TMEM164: variants seen among roughly 807,000 people sequenced by gnomAD.
TMEM164 encodes transmembrane protein 164, also known as RP13-360B22.2.
In TMEM164, 4 loss-of-function variants were observed where a neutral mutation model predicts 18.8. The ratio of observed to expected loss-of-function variants is 0.21; its 90% CI spans 0.10 to 0.49. The LOEUF is 0.49. TMEM164 is among the 20% of genes least tolerant of loss of function. The probability of loss-of-function intolerance (pLI) is 0.98; values close to 1 mark genes in which losing one functional copy is unlikely to be tolerated. For synonymous variants in TMEM164, 86 were observed against 101.7 expected (o/e 0.85, Z 0.93); for missense variants, 108 against 239.9 (o/e 0.45, Z 3.63).
At chrX:110,043,501 G>A (rs991105061) in intron 2 of TMEM164, among the ~76,000 whole-genome samples, 3 of 111,740 alleles carry the variant, frequency 2.7e-5, no homozygotes, top group Middle Eastern at 9.2e-3. Context: ...ACTGAATGTT[G>A]ACTACTATAA....
chrX:110,120,819 A>T (rs2066439362), intron 4 of TMEM164, among the ~76,000 whole-genome samples: 1 of 111,776 alleles, frequency 8.9e-6, no homozygotes, highest in Non-Finnish European at 1.9e-5. Context: ...GTTAGCTCCC[A>T]CATATAAGTG....
intron 3 of TMEM164, among the ~76,000 whole-genome samples, chrX:110,069,425 G>A (rs1195776100): frequency 1.8e-5 from 2 of 110,806 alleles, no homozygotes; most frequent in African/African-American, 3.3e-5. Context: ...TTTGTTCCTC[G>A]AGTTGTCTAT....
chrX:110,117,363 G>T (rs2066384451), intron 4 of TMEM164, among the ~76,000 whole-genome samples: 1 of 112,509 alleles, frequency 8.9e-6, no homozygotes, highest in African/African-American at 3.2e-5. Flanking sequence ...TAGCAATTTG[G>T]GGGCTTAATT....
At chrX:110,144,985 TG>T in intron 5 of TMEM164, 109 bp downstream of exon 5, 1 of 548,633 alleles carries the variant, frequency 1.8e-6, no homozygotes, top group Non-Finnish European at 3.0e-6. Context: ...AGCTGCCGCT[TG>T]ACTGAGTTTC....
chrX:110,039,862 G>A (rs1230598729), intron 2 of TMEM164, among the ~76,000 whole-genome samples: 2 of 111,558 alleles, frequency 1.8e-5, no homozygotes, highest in Non-Finnish European at 3.8e-5. Flanking sequence ...TTTTTGTACT[G>A]CCGGGGCAAG....
intron 3 of TMEM164, among the ~76,000 whole-genome samples, chrX:110,098,950 A>ATTTTTTTTTT (rs772519388): frequency 1.4e-3 from 120 of 84,999 alleles, no homozygotes; most frequent in Non-Finnish European, 2.2e-3. Flanking sequence ...CACCCGGCTA[A>ATTTTTTTTTT]TTTTTTTTTT....
intron 4 of TMEM164, among the ~76,000 whole-genome samples, chrX:110,111,618 C>T (rs1402721565): frequency 8.9e-6 from 1 of 112,307 alleles, no homozygotes; most frequent in Non-Finnish European, 1.9e-5. Context: ...GGCCAAACAG[C>T]ACCTGCTGAG....
intron 5 of TMEM164, 149 bp from the exon 6 acceptor site, chrX:110,171,271 A>G: frequency 2.1e-6 from 1 of 471,672 alleles, no homozygotes. Context: ...CCAGCTAATC[A>G]GTGGGGCTGT....
At position 110,018,028 on chromosome X, in the gene TMEM164, A is replaced by C. The variant is rs192354417; in HGVS notation, c.390+13864A>C. Among the ~76,000 whole-genome samples the C allele has an allele frequency of 7.1e-5, 8 of 112,003 alleles. No individual in the cohort carries two copies. In the Admixed American group the frequency reaches 7.5e-4, roughly 11 times the overall value. On this transcript the variant is annotated intron_variant, in intron 2 of 6. Transcript: ENST00000372068. ...TTCACAGGGATGTGTGTGCTCACTG[A>C]GCCTGCATGTAGAGCCAGTATGGGT... is the stretch of plus-strand genomic sequence containing the variant.
rs184545413 is a variant in TMEM164 at position 110,069,114 on chromosome X, T to A, written c.440+1718T>A. Among the ~76,000 whole-genome samples the A allele has an allele frequency of 7.2e-5, 8 of 111,772 alleles. No homozygotes were observed. The East Asian group carries it at 2.2e-3, about 31-fold the overall frequency. On this transcript the variant is annotated intron_variant, in intron 3 of 6. Transcript: ENST00000372068. ...TTCAATGCTTAAATCAACATGATTT[T>A]GTATATACCCTTATATACTGTTGCT...
intron 4 of TMEM164, among the ~76,000 whole-genome samples, chrX:110,117,077 C>A (rs2066380115): frequency 9.0e-6 from 1 of 111,403 alleles, no homozygotes; most frequent in Non-Finnish European, 1.9e-5. Context: ...AATAGCATTG[C>A]ACTGTTAGCC....
At position 110,071,151 on chromosome X, in the gene TMEM164, A is replaced by ATATTTATTTATT. The variant is rs59713249; in HGVS notation, c.440+3782_440+3793dup. On this transcript the variant is annotated intron_variant, in intron 3 of 6. Transcript: ENST00000372068. ...TTTACATTTATGTAGAGATTTTTAA[A>ATATTTATTTATT]TATTTATTTATTTATTTATTTATTT... is the stretch of plus-strand genomic sequence containing the variant. Among the ~76,000 whole-genome samples the ATATTTATTTATT allele has an allele frequency of 5.0e-4, 48 of 96,820 alleles. 1 individual carries two copies. Among genetic ancestry groups the ATATTTATTTATT allele is most frequent in the South Asian group, 1.1e-3 (2 of 1,895 alleles). 84.1% of individuals were successfully genotyped at this position (96,820 alleles called of 115,157 possible). A position where few individuals can be genotyped will look rare whatever the true frequency, so the allele number is the denominator to read the frequency against.
chrX:110,026,293 T>A (rs898854543), intron 2 of TMEM164, among the ~76,000 whole-genome samples: 2 of 111,928 alleles, frequency 1.8e-5, no homozygotes, highest in African/African-American at 3.3e-5. Context: ...TTGTTCCTTG[T>A]TAAAGAGTTG....
At chrX:110,158,799 C>T (rs1318446675) in intron 5 of TMEM164, among the ~76,000 whole-genome samples, 1 of 112,037 alleles carries the variant, frequency 8.9e-6, no homozygotes, top group African/African-American at 3.3e-5. Flanking sequence ...ACGAAATACA[C>T]ATGCTGCCCA....
At chrX:110,141,872 CCTT>C (rs1418504663) in intron 4 of TMEM164, among the ~76,000 whole-genome samples, 2 of 109,755 alleles carry the variant, frequency 1.8e-5, no homozygotes, top group Non-Finnish European at 3.9e-5. Context: ...CCCTTTCTCT[CCTT>C]CTTTTTCCAC....
Position 110,135,734 on chromosome X carries a change from G to A in TMEM164, c.508-9064G>A, listed in dbSNP as rs766685980. On this transcript the variant is annotated intron_variant, in intron 4 of 6. Transcript: ENST00000372068. ...ATTGAAAAGTTGAAATAGTAGCATA[G>A]TGAACAATGACTGTACATCCTCCAG... is the stretch of plus-strand genomic sequence containing the variant. Among the ~76,000 whole-genome samples the A allele has an allele frequency of 9.3e-4, 104 of 111,727 alleles. 2 individuals are homozygous for A. The highest frequency in any genetic ancestry group is 3.0e-3 in the African/African-American group (93 of 30,832).
Position 110,133,271 on chromosome X carries a change from C to T in TMEM164, c.508-11527C>T, listed in dbSNP as rs1034499789. ...GTTCAAGCAATTCTCCTGCCTCAGC[C>T]TCCCGAGTAGCTGAGATTGCAGGCA... On this transcript the variant is annotated intron_variant, in intron 4 of 6. Coordinates refer to ENST00000372068, the MANE Select transcript of TMEM164 (RefSeq NM_032227.4). Among the ~76,000 whole-genome samples, 16 of 111,730 alleles carry T rather than the reference C, an allele frequency of 1.4e-4. No individual in the cohort carries two copies. In the Admixed American group the frequency reaches 1.5e-3, roughly 11 times the overall value.
At chrX:110,163,206 C>G (rs2067115084) in intron 5 of TMEM164, among the ~76,000 whole-genome samples, 1 of 111,628 alleles carries the variant, frequency 9.0e-6, no homozygotes, top group African/African-American at 3.3e-5. Context: ...TAAGAGAGAA[C>G]AGTAAGAGAG....
upstream of TMEM164, chrX:110,002,898 C>T (rs1464337174): frequency 9.1e-6 from 1 of 110,429 alleles, no homozygotes; most frequent in Non-Finnish European, 1.9e-5. Context: ...TAGTCCAGCC[C>T]CCGGCTGGCC....
Sources: allele counts gnomAD v4.1 joint callset (sites outside exome capture counted in the v4.1 genomes callset), GRCh38; gene constraint gnomAD v4.1.1; transcripts MANE v1.5; gene names NCBI Gene and HGNC (gene_info 2026-07-23, HGNC 2026-07-21).